Variants in EEA1 observed in about 807,000 individuals in gnomAD.
EEA1 encodes the protein early endosome antigen 1.
EEA1 carries 111 observed loss-of-function variants against 209.2 expected under a neutral mutation model. The ratio of observed to expected loss-of-function variants is 0.53; its 90% CI spans 0.45 to 0.62. EEA1 has a LOEUF of 0.62. Among genes scored for constraint, EEA1 ranks in the 20% least tolerant of loss-of-function variants. EEA1 has a pLI of 0.00. For synonymous variants in EEA1, 536 were observed against 540.6 expected (o/e 0.99, Z 0.12); for missense variants, 1,343 against 1,530.8 (o/e 0.88, Z 2.05).
intron 9 of EEA1, among the ~76,000 whole-genome samples, chr12:92,848,931 C>T (rs1877497109): frequency 6.6e-6 from 1 of 152,016 alleles, no homozygotes; most frequent in African/African-American, 2.4e-5. Flanking sequence ...CACCATGTTG[C>T]CCAGGCTGGT....
chr12:92,913,414 T>C (rs1880651441), intron 1 of EEA1, among the ~76,000 whole-genome samples: 1 of 152,246 alleles, frequency 6.6e-6, no homozygotes, highest in African/African-American at 2.4e-5. Flanking sequence ...TTGCGTTCCA[T>C]GTAGATTCCG....
chr12:92,850,781 A>G (rs1221834111), intron 9 of EEA1, among the ~76,000 whole-genome samples: 1 of 151,646 alleles, frequency 6.6e-6, no homozygotes, highest in Non-Finnish European at 1.5e-5. Flanking sequence ...TGGTAATATA[A>G]TTGTAGAAAA....
Position 92,811,256 on chromosome 12 carries a change from A to C in EEA1, c.2199+23T>G, listed in dbSNP as rs757894064. 5 of 1,419,578 alleles carry C rather than the reference A, an allele frequency of 3.5e-6. No individual in the cohort carries two copies. The East Asian group carries it at 1.3e-4, about 37-fold the overall frequency. The allele number at this position is 1,419,578 out of a possible 1,614,324, so 87.9% of individuals were successfully genotyped here. A position where few individuals can be genotyped will look rare whatever the true frequency, so the allele number is the denominator to read the frequency against. ...GCTACTGAAGTAGAAAATATGACTAAATTCAACTTCTTTTATACAAACCTT... is the reference window on the plus strand; with the variant it reads ...GCTACTGAAGTAGAAAATATGACTACATTCAACTTCTTTTATACAAACCTT... On this transcript the variant is annotated intron_variant, in intron 17 of 28. Coordinates refer to ENST00000322349, the MANE Select transcript of EEA1 (RefSeq NM_003566.4).
At chr12:92,911,211 T>C (rs1264419787) in intron 1 of EEA1, among the ~76,000 whole-genome samples, 3 of 152,326 alleles carry the variant, frequency 2.0e-5, no homozygotes, top group African/African-American at 7.2e-5. Flanking sequence ...TTATTCATAA[T>C]AGCTAAAGCT....
intron 3 of EEA1, among the ~76,000 whole-genome samples, chr12:92,861,838 A>G (rs1037133830): frequency 6.6e-6 from 1 of 152,122 alleles, no homozygotes; most frequent in Non-Finnish European, 1.5e-5. Context: ...AATACGTAAG[A>G]AATTGATGAA....
At chr12:92,832,461 G>A (rs755544834) in intron 11 of EEA1, 51 bp downstream of exon 11, 10 of 1,508,486 alleles carry the variant, frequency 6.6e-6, no homozygotes, top group Admixed American at 4.1e-5. Flanking sequence ...TCAAGTACAC[G>A]AAGAAGAAAC....
intron 2 of EEA1, among the ~76,000 whole-genome samples, chr12:92,881,424 A>G (rs779786391): frequency 1.3e-5 from 2 of 151,976 alleles, no homozygotes; most frequent in Non-Finnish European, 1.5e-5. Context: ...GAGGGAAAGA[A>G]GGAACGGAGG....
At chr12:92,853,837 A>C in intron 6 of EEA1, 78 bp downstream of exon 6, 1 of 1,268,570 alleles carries the variant, frequency 7.9e-7, no homozygotes, top group Middle Eastern at 2.0e-4. Context: ...TTCATTTGGC[A>C]GGCATCAAAG....
At chr12:92,859,426 C>T (rs773288491) in intron 3 of EEA1, among the ~76,000 whole-genome samples, 23 of 152,186 alleles carry the variant, frequency 1.5e-4, no homozygotes, top group Non-Finnish European at 2.4e-4. Flanking sequence ...TGAATTTTAG[C>T]TTTTGTGGGT....
chr12:92,861,090 A>C (rs1224704439), intron 3 of EEA1, among the ~76,000 whole-genome samples: 1 of 151,246 alleles, frequency 6.6e-6, no homozygotes, highest in African/African-American at 2.4e-5. Context: ...TCAAACTGAC[A>C]AAGAATGGTG....
intron 2 of EEA1, among the ~76,000 whole-genome samples, chr12:92,880,513 C>T (rs916292375): frequency 1.3e-5 from 2 of 152,028 alleles, no homozygotes; most frequent in Non-Finnish European, 2.9e-5. Flanking sequence ...CTCACTCTGT[C>T]GCCCAAGCTG....
Position 92,798,943 on chromosome 12 carries a change from T to A in EEA1, c.2916A>T (p.Lys972Asn), listed in dbSNP as rs1361176999. ...CTCCTTGGAGTGCTTCAATTTGTTT[T>A]TTCTTCTGTTCACTTGATTGCTTTA... ...NELKQSSEQK[K>N]KQIEALQGEL... The change falls in exon 21 of 29, where the codon AAA becomes AAT. Residue 972 changes from lysine to asparagine, a missense_variant. Lys to Asn is a moderately conservative substitution (Grantham distance 94). Transcript: ENST00000322349. 7.4e-6 allele frequency: 12 copies of A among 1,611,726 alleles called. No homozygotes were observed. The highest frequency in any genetic ancestry group is 1.0e-5 in the Non-Finnish European group (12 of 1,179,398).
intron 15 of EEA1, 106 bp from the exon 16 acceptor site, chr12:92,813,199 C>T (rs1203455580): frequency 3.2e-6 from 2 of 631,022 alleles, no homozygotes; most frequent in Non-Finnish European, 5.0e-6. Context: ...AAAATTAAGT[C>T]CTTGGCAAAA....
Position 92,852,910 on chromosome 12 carries a change from A to T in EEA1, c.520+2T>A. 6.2e-7 allele frequency: 1 copy of T among 1,604,976 alleles called. No individual in the cohort carries two copies. The highest frequency in any genetic ancestry group is 8.5e-7 in the Non-Finnish European group (1 of 1,174,448). ...TGGCTAAAAAATTCTAACTCAATTT[A>T]CCTGCAATTTCAGTAGCAAGTTGGG... On this transcript the variant is annotated splice_donor_variant, in intron 7 of 28. Transcript: ENST00000322349. LOFTEE classifies it high-confidence loss of function.
intron 11 of EEA1, 125 bp from the exon 12 acceptor site, chr12:92,828,186 T>A (rs1351760691): frequency 1.5e-6 from 1 of 681,994 alleles, no homozygotes; most frequent in African/African-American, 1.9e-5. Context: ...CGTGATACTT[T>A]GGGGAAACCT....
rs1275249699 is a variant in EEA1 at position 92,770,715 on chromosome 12, GACT to G, written c.*5293_*5295del. 2 of 152,254 alleles carry G rather than the reference GACT, an allele frequency of 1.3e-5. No homozygotes were observed. Among genetic ancestry groups the G allele is most frequent in the Non-Finnish European group, 1.5e-5 (1 of 68,068 alleles). The allele number at this position is 152,254 out of a possible 1,614,324, so 9.4% of individuals were successfully genotyped here. A position where few individuals can be genotyped will look rare whatever the true frequency, so the allele number is the denominator to read the frequency against. On this transcript the variant is annotated 3_prime_UTR_variant, in exon 29 of 29. Transcript: ENST00000322349. ...TTTAATATACAAAGCAATAAATAGG[GACT>G]ACATTTAAGTAGCAGTTTTAAAATT... is the stretch of plus-strand genomic sequence containing the variant.
chr12:92,902,109 A>G (rs1459302314), intron 1 of EEA1, among the ~76,000 whole-genome samples: 1 of 152,156 alleles, frequency 6.6e-6, no homozygotes, highest in East Asian at 1.9e-4. Flanking sequence ...TGGGAGGATC[A>G]CTTGAGCCCA....
At chr12:92,797,082 GGTTTT>G (rs1292981917) in intron 21 of EEA1, among the ~76,000 whole-genome samples, 8 of 151,908 alleles carry the variant, frequency 5.3e-5, no homozygotes, top group Non-Finnish European at 1.2e-4. Context: ...TGGGTGTTTT[GGTTTT>G]GTTTTGTTTT....
At chr12:92,816,423 C>A in intron 14 of EEA1, 23 bp from the exon 15 acceptor site, 10 of 1,601,530 alleles carry the variant, frequency 6.2e-6, no homozygotes, top group South Asian at 1.1e-5. Context: ...TAAGACTAAT[C>A]GTGAAGTTCA....
Sources: allele counts gnomAD v4.1 joint callset (sites outside exome capture counted in the v4.1 genomes callset), GRCh38; gene constraint gnomAD v4.1.1; transcripts MANE v1.5; gene names NCBI Gene and HGNC (gene_info 2026-07-23, HGNC 2026-07-21).